The following KCTD8 variants were observed in gnomAD, a reference collection of about 807,000 sequenced individuals.
KCTD8 encodes the protein potassium channel tetramerization domain containing 8.
In KCTD8, 27 loss-of-function variants were observed where a neutral mutation model predicts 31.5. The observed-to-expected ratio is 0.86, with a 90% confidence interval of 0.63 to 1.18. KCTD8 has a LOEUF of 1.18. Among genes scored for constraint, KCTD8 ranks in the 50% most tolerant of loss-of-function variants. KCTD8 has a pLI of 0.00. For missense variants in KCTD8, 658 were observed against 647.7 expected, an observed-to-expected ratio of 1.02 and a Z score of -0.17; for synonymous variants, 290 against 280.0, an observed-to-expected ratio of 1.04 and a Z score of -0.36.
chr4:44,182,127 G>A (rs1427394340), intron 1 of KCTD8, among the ~76,000 whole-genome samples: 1 of 151,366 alleles, frequency 6.6e-6, no homozygotes, highest in African/African-American at 2.4e-5. Flanking sequence ...AAGGTGGGGG[G>A]TCAGCCCCCG....
chr4:44,400,798 A>G (rs1156610384), intron 1 of KCTD8, among the ~76,000 whole-genome samples: 2 of 151,678 alleles, frequency 1.3e-5, no homozygotes, highest in Non-Finnish European at 2.9e-5. Flanking sequence ...GGAATTCACT[A>G]AACTAAATGG....
At chr4:44,300,867 T>TC (rs1231006453) in intron 1 of KCTD8, among the ~76,000 whole-genome samples, 1 of 93,384 alleles carries the variant, frequency 1.1e-5, no homozygotes, top group African/African-American at 4.2e-5. Context: ...CCCTCTCCCC[T>TC]CCCCCCACCC....
At chr4:44,289,488 T>C (rs1268985197) in intron 1 of KCTD8, among the ~76,000 whole-genome samples, 2 of 151,984 alleles carry the variant, frequency 1.3e-5, no homozygotes, top group Admixed American at 6.6e-5. Context: ...ACAGAGGCAA[T>C]GCAGACCCTG....
chr4:44,352,463 AAG>A (rs1177793240), intron 1 of KCTD8, among the ~76,000 whole-genome samples: 1 of 149,500 alleles, frequency 6.7e-6, no homozygotes, highest in Non-Finnish European at 1.5e-5. Context: ...AAATAGTAAA[AAG>A]AGAATAGAAT....
chr4:44,181,802 G>T (rs1713417177), intron 1 of KCTD8, among the ~76,000 whole-genome samples: 1 of 151,734 alleles, frequency 6.6e-6, no homozygotes, highest in South Asian at 2.1e-4. Context: ...AGGAAGTGAG[G>T]AGCGTCTCTG....
At chr4:44,269,375 A>G (rs1308669838) in intron 1 of KCTD8, among the ~76,000 whole-genome samples, 6 of 151,698 alleles carry the variant, frequency 4.0e-5, no homozygotes, top group Non-Finnish European at 7.4e-5. Flanking sequence ...CTTATACCTT[A>G]TACAAAAATT....
chr4:44,348,110 G>T (rs1232938751), intron 1 of KCTD8, among the ~76,000 whole-genome samples: 2 of 151,992 alleles, frequency 1.3e-5, no homozygotes, highest in African/African-American at 4.8e-5. Flanking sequence ...GAAGGACAAG[G>T]TAAAGACCAT....
intron 1 of KCTD8, among the ~76,000 whole-genome samples, chr4:44,327,309 CT>C (rs1312909633): frequency 6.6e-6 from 1 of 151,822 alleles, no homozygotes; most frequent in African/African-American, 2.4e-5. Context: ...TCTACACATA[CT>C]AGTCTCAGAA....
chr4:44,347,975 A>G (rs2109422836), intron 1 of KCTD8, among the ~76,000 whole-genome samples: 1 of 152,326 alleles, frequency 6.6e-6, no homozygotes, highest in South Asian at 2.1e-4. Flanking sequence ...AAATAATGTT[A>G]TATGAATATC....
At chr4:44,323,823 C>T (rs1183438524) in intron 1 of KCTD8, among the ~76,000 whole-genome samples, 2 of 151,770 alleles carry the variant, frequency 1.3e-5, no homozygotes, top group Admixed American at 1.3e-4. Flanking sequence ...GATTGATATA[C>T]AAGCCAGAAA....
intron 1 of KCTD8, among the ~76,000 whole-genome samples, chr4:44,437,871 ATC>A (rs1000476187): frequency 6.6e-6 from 1 of 152,112 alleles, no homozygotes; most frequent in South Asian, 2.1e-4. Flanking sequence ...TTGATTCTAA[ATC>A]TCTTTCTCTT....
In KCTD8 at chr4:44,447,570, A is replaced by G. The variant is rs1299839853; in HGVS notation, c.954T>C (p.Ile318=). ...CCGGGGCTGCGAACTTACGGAAGAA[A>G]ATGTACTCGGTGTAGCTGCTCCAGA... ...DKIWSSYTEY[I]FFRPPQKIVS... The change falls in exon 1 of 2, where the codon ATT becomes ATC. Residue 318 remains isoleucine (I), a synonymous_variant. Transcript: ENST00000360029. 1 of 1,563,420 alleles carries G rather than the reference A, an allele frequency of 6.4e-7. No individual in the cohort carries two copies. The highest frequency in any genetic ancestry group is 8.7e-7 in the Non-Finnish European group (1 of 1,150,386).
chr4:44,358,412 G>A (rs146111211), intron 1 of KCTD8, among the ~76,000 whole-genome samples: 167 of 152,266 alleles, frequency 1.1e-3, no homozygotes, highest in African/African-American at 4.0e-3. Context: ...GTATATACCA[G>A]TAATGGGATG....
At chr4:44,196,184 T>C (rs1191681420) in intron 1 of KCTD8, among the ~76,000 whole-genome samples, 1 of 152,160 alleles carries the variant, frequency 6.6e-6, no homozygotes, top group African/African-American at 2.4e-5. Flanking sequence ...TCTTTCTTAC[T>C]CATCATTATG....
At chr4:44,270,718 A>G (rs939807648) in intron 1 of KCTD8, among the ~76,000 whole-genome samples, 6 of 152,104 alleles carry the variant, frequency 3.9e-5, no homozygotes, top group Non-Finnish European at 7.4e-5. Context: ...GTCGTTGGCA[A>G]CCATGCTATC....
chr4:44,421,389 G>GTC (rs1476976228), intron 1 of KCTD8, among the ~76,000 whole-genome samples: 1 of 151,718 alleles, frequency 6.6e-6, no homozygotes. Flanking sequence ...TTAAACATGC[G>GTC]TAAGTATCAC....
chr4:44,343,589 T>A (rs1718961417), intron 1 of KCTD8, among the ~76,000 whole-genome samples: 1 of 152,170 alleles, frequency 6.6e-6, no homozygotes, highest in African/African-American at 2.4e-5. Flanking sequence ...TTCAATTTAT[T>A]AAAAAATTGC....
rs547642908 is a variant in KCTD8 at position 44,313,427 on chromosome 4, T to C, written c.961+134136A>G. ...TCACTTGGCCGTGGTAGAGTACCTA[T>C]ACTCTTTAATAAAACTGCTCTTGAA... On this transcript the variant is annotated intron_variant, in intron 1 of 1. Coordinates refer to ENST00000360029, the MANE Select transcript of KCTD8 (RefSeq NM_198353.3). Among the ~76,000 whole-genome samples, 6 of 152,332 alleles carry C rather than the reference T, an allele frequency of 3.9e-5. No individual in the cohort carries two copies. The East Asian group carries it at 5.8e-4, about 15-fold the overall frequency.
At chr4:44,387,699 C>T (rs1359600307) in intron 1 of KCTD8, among the ~76,000 whole-genome samples, 2 of 151,900 alleles carry the variant, frequency 1.3e-5, no homozygotes, top group Non-Finnish European at 2.9e-5. Flanking sequence ...TTCCTTACAC[C>T]ATATACAAAA....
Sources: gnomAD v4.1 joint callset for allele counts (sites outside exome capture counted in the v4.1 genomes callset) on GRCh38, gnomAD v4.1.1 for gene constraint, MANE v1.5 for transcripts, NCBI Gene and HGNC (gene_info 2026-07-23, HGNC 2026-07-21) for gene names.